NF2: variants seen among roughly 807,000 people sequenced by gnomAD.
NF2 encodes NF2, moesin-ezrin-radixin like (MERLIN) tumor suppressor.
A neutral mutation model predicts 83.7 loss-of-function variants in NF2; 8 were observed. The ratio of observed to expected loss-of-function variants is 0.10; its 90% CI spans 0.06 to 0.17. NF2 has a LOEUF of 0.17. Among genes scored for constraint, NF2 ranks in the 10% least tolerant of loss-of-function variants. The pLI, the probability that NF2 is intolerant of heterozygous loss-of-function variation, is 1.00. For synonymous variants in NF2, 266 were observed against 269.6 expected (o/e 0.99, Z 0.13); for missense variants, 533 against 744.4 (o/e 0.72, Z 3.31).
chr22:29,671,990 A>G (rs1237418107), intron 11 of NF2, 42 bp downstream of exon 11: 6 of 1,613,848 alleles, frequency 3.7e-6, no homozygotes, highest in Non-Finnish European at 5.1e-6. Context: ...CTACTTGGGG[A>G]CTTCCTTGGC....
At chr22:29,604,152 A>G in intron 1 of NF2, 40 bp downstream of exon 1, 1 of 1,493,920 alleles carries the variant, frequency 6.7e-7, no homozygotes, top group Non-Finnish European at 9.2e-7. Context: ...GTGACAGTCG[A>G]GGTGGAAGCT....
chr22:29,638,476 G>A (rs547397423), intron 2 of NF2, among the ~76,000 whole-genome samples: 3 of 151,642 alleles, frequency 2.0e-5, no homozygotes, highest in Non-Finnish European at 2.9e-5. Context: ...TCAGCCTCCC[G>A]AGTAGCTGGA....
chr22:29,622,614 C>G (rs570508490), intron 1 of NF2, among the ~76,000 whole-genome samples: 1 of 147,646 alleles, frequency 6.8e-6, no homozygotes, highest in Non-Finnish European at 1.5e-5. Flanking sequence ...CCGCTTCCCT[C>G]TCACTGACAG....
chr22:29,621,165 G>A (rs1361134964), intron 1 of NF2, among the ~76,000 whole-genome samples: 1 of 152,186 alleles, frequency 6.6e-6, no homozygotes, highest in Non-Finnish European at 1.5e-5. Context: ...TGACATGTAA[G>A]TTGAGCAAAT....
At chr22:29,674,798 C>G in intron 12 of NF2, 38 bp from the exon 13 acceptor site, 1 of 1,539,296 alleles carries the variant, frequency 6.5e-7, no homozygotes, top group Non-Finnish European at 8.8e-7. Context: ...GCTACCTGCC[C>G]TCTTCTGTGA....
At chr22:29,647,552 G>A (rs1436950282) in intron 4 of NF2, among the ~76,000 whole-genome samples, 1 of 152,214 alleles carries the variant, frequency 6.6e-6, no homozygotes, top group Non-Finnish European at 1.5e-5. Context: ...AGTTGCCCTG[G>A]TGAGAGAATA....
chr22:29,643,693 T>C (rs1012664525), intron 4 of NF2, among the ~76,000 whole-genome samples: 8 of 152,212 alleles, frequency 5.3e-5, no homozygotes, highest in Non-Finnish European at 7.3e-5. Flanking sequence ...TCTACTTCTT[T>C]CTACACAGAC....
chr22:29,642,315 C>T (rs2146895689), intron 4 of NF2, 30 bp downstream of exon 4: 1 of 1,590,802 alleles, frequency 6.3e-7, no homozygotes, highest in Non-Finnish European at 8.6e-7. Context: ...ATGTATTTTT[C>T]CTGGGCGTTA....
intron 4 of NF2, among the ~76,000 whole-genome samples, chr22:29,645,913 G>T (rs1237193753): frequency 6.6e-6 from 1 of 152,060 alleles, no homozygotes; most frequent in East Asian, 1.9e-4. Context: ...TATTTTTTCT[G>T]GTGTAAATTT....
At chr22:29,671,407 T>C (rs533204787) in intron 10 of NF2, among the ~76,000 whole-genome samples, 2 of 152,230 alleles carry the variant, frequency 1.3e-5, no homozygotes, top group South Asian at 2.1e-4. Context: ...CGGGTGCCTA[T>C]AGTCCCAGCT....
At chr22:29,638,012 A>G (rs1030547422) in intron 2 of NF2, among the ~76,000 whole-genome samples, 7 of 152,218 alleles carry the variant, frequency 4.6e-5, no homozygotes. Context: ...AGTGTAGGCC[A>G]AATGGATATT....
At chr22:29,604,939 C>T (rs1371118527) in intron 1 of NF2, among the ~76,000 whole-genome samples, 2 of 152,154 alleles carry the variant, frequency 1.3e-5, no homozygotes, top group South Asian at 2.1e-4. Context: ...AGCATGACAG[C>T]TTAAGGAACC....
intron 7 of NF2, among the ~76,000 whole-genome samples, chr22:29,659,751 TAGTC>T (rs781608576): frequency 2.0e-5 from 3 of 152,182 alleles, no homozygotes; most frequent in Non-Finnish European, 4.4e-5. Context: ...TTAAACTAAA[TAGTC>T]AGAAACTATT....
At position 29,654,713 on chromosome 22, in the gene NF2, G is replaced by A. The variant is rs182990439; in HGVS notation, c.504G>A (p.Leu168=). 2 of 1,613,598 alleles carry A rather than the reference G, an allele frequency of 1.2e-6. No homozygotes were observed. Among genetic ancestry groups the A allele is most frequent in the African/African-American group, 1.3e-5 (1 of 75,012 alleles). ...GGGGATTTTTGGCCCAAGAGGAATT[G>A]CTTCCAAAAAGGGTAAGAGATTAAA... ...HKRGFLAQEE[L]LPKRVINLYQ... is the part of the protein sequence containing the mutation. Residue 168 remains leucine (L), a synonymous_variant, in exon 5 of 16, where the codon TTG becomes TTA. Transcript: ENST00000338641.
rs539623472 is a variant in NF2, at chr22:29,632,002, C to T, written c.115-4749C>T. 1.2e-3 allele frequency among the ~76,000 whole-genome samples: 187 copies of T among 152,318 alleles called. 1 individual carries two copies. The highest frequency in any genetic ancestry group is 4.3e-3 in the African/African-American group (177 of 41,566). ...TCCATCTTAGGTAACAATTTAACTT[C>T]TCTCTTGTTTCTAGAATGGTATTAG... On this transcript the variant is annotated intron_variant, in intron 1 of 15. Transcript: ENST00000338641.
At position 29,655,639 on chromosome 22, in the gene NF2, A is replaced by G; in HGVS notation, c.562A>G (p.Ile188Val). ...QMTPEMWEER[I>V]TAWYAEHRGR... is the part of the protein sequence containing the mutation. ...GACTCCGGAAATGTGGGAGGAGAGA[A>G]TTACTGCTTGGTACGCAGAGCACCG... is the stretch of plus-strand genomic sequence containing the variant. The change falls in exon 6 of 16, where the codon ATT becomes GTT. Residue 188 changes from isoleucine to valine, a missense_variant. Ile to Val is a conservative substitution (Grantham distance 29). Coordinates refer to ENST00000338641, the MANE Select transcript of NF2 (RefSeq NM_000268.4). The G allele has an allele frequency of 6.2e-7, 1 of 1,613,406 alleles. No individual in the cohort carries two copies.
chr22:29,683,454 T>C (rs1195373464), intron 15 of NF2: 1 of 1,237,552 alleles, frequency 8.1e-7, no homozygotes, highest in Non-Finnish European at 1.0e-6. Flanking sequence ...TGGAGACTGG[T>C]GTGTTTAACT....
At chr22:29,680,688 A>C (rs1439118264) in intron 14 of NF2, among the ~76,000 whole-genome samples, 1 of 152,080 alleles carries the variant, frequency 6.6e-6, no homozygotes, top group Non-Finnish European at 1.5e-5. Flanking sequence ...TGAGCTTCTG[A>C]GTGAGCTTCT....
At chr22:29,670,503 TTGTGTGTGTGTG>T (rs131255) in intron 10 of NF2, among the ~76,000 whole-genome samples, 4 of 146,342 alleles carry the variant, frequency 2.7e-5, no homozygotes, top group Non-Finnish European at 6.0e-5. Flanking sequence ...CTTTTTGAGC[TTGTGTGTGTGTG>T]TGTGTGTGTG....
Sources: allele counts gnomAD v4.1 joint callset (sites outside exome capture counted in the v4.1 genomes callset), GRCh38; gene constraint gnomAD v4.1.1; transcripts MANE v1.5; gene names NCBI Gene and HGNC (gene_info 2026-07-23, HGNC 2026-07-21).